Variants in FKTN observed in about 807,000 individuals in gnomAD.
The protein encoded by FKTN is ribitol-5-phosphate transferase FKTN.
In FKTN, 47 loss-of-function variants were observed where a neutral mutation model predicts 58.6. That is an observed-to-expected ratio of 0.80 (90% CI 0.63 to 1.02). The LOEUF (loss-of-function observed/expected upper bound fraction) is 1.02, where lower values mean the gene tolerates loss of function less well. Among genes scored for constraint, FKTN ranks in the 50% least tolerant of loss-of-function variants. FKTN has a pLI of 0.00. For synonymous variants in FKTN, 178 were observed against 191.9 expected (o/e 0.93, Z 0.60); for missense variants, 516 against 537.3 (o/e 0.96, Z 0.39).
At chr9:105,635,006 G>C (rs1833910924) in intron 10 of FKTN, 45 bp from the exon 11 acceptor site, 1 of 1,520,820 alleles carries the variant, frequency 6.6e-7, no homozygotes, top group Non-Finnish European at 9.1e-7. Context: ...TCCTTAGCTA[G>C]ACCTTCTTCC....
At chr9:105,581,664 G>A (rs566466500) in intron 3 of FKTN, among the ~76,000 whole-genome samples, 6 of 152,344 alleles carry the variant, frequency 3.9e-5, no homozygotes, top group African/African-American at 1.4e-4. Flanking sequence ...ACAGAGGCAG[G>A]CAGGCCTCCT....
intron 6 of FKTN, among the ~76,000 whole-genome samples, chr9:105,607,327 G>A (rs1040004454): frequency 6.6e-6 from 1 of 151,964 alleles, no homozygotes; most frequent in African/African-American, 2.4e-5. Context: ...AAAGTAAACT[G>A]ATAATTAAAA....
Position 105,615,427 on chromosome 9 carries a change from C to T in FKTN, c.910+20C>T, listed in dbSNP as rs775546973. The T allele has an allele frequency of 6.2e-7, 1 of 1,612,894 alleles. No homozygotes were observed. The highest frequency in any genetic ancestry group is 1.7e-5 in the Admixed American group (1 of 60,012). The stretch of plus-strand genomic sequence containing the variant: ...GTCTAGGTAAAATTCTTACGACTTT[C>T]CATTTGTCTTTCTGTCATTTTGTCC... On this transcript the variant is annotated intron_variant, in intron 8 of 10. Coordinates refer to ENST00000357998, the MANE Select transcript of FKTN (RefSeq NM_001079802.2).
At chr9:105,577,876 G>T (rs2132089638) in intron 3 of FKTN, among the ~76,000 whole-genome samples, 1 of 150,228 alleles carries the variant, frequency 6.7e-6, no homozygotes, top group Admixed American at 6.6e-5. Flanking sequence ...CCTTGAAGAG[G>T]TCCTTCACAT....
chr9:105,624,488 AGGCATGGT>A (rs1291658232), intron 10 of FKTN: 1 of 151,942 alleles, frequency 6.6e-6, no homozygotes, highest in Non-Finnish European at 1.5e-5. Flanking sequence ...AAAATTACCC[AGGCATGGT>A]GGCATGTGTC....
At chr9:105,588,594 C>T (rs1211902914) in intron 3 of FKTN, among the ~76,000 whole-genome samples, 1 of 152,166 alleles carries the variant, frequency 6.6e-6, no homozygotes, top group East Asian at 1.9e-4. Flanking sequence ...AATAACAATA[C>T]ATGTTACCTC....
intron 3 of FKTN, among the ~76,000 whole-genome samples, chr9:105,583,749 G>A (rs1452333095): frequency 6.6e-6 from 1 of 152,010 alleles, no homozygotes; most frequent in East Asian, 1.9e-4. Flanking sequence ...TAGGGCATCT[G>A]TTTTTTATGT....
rs981203213 is a variant in FKTN at position 105,565,170 on chromosome 9, G to A, written c.-181+7005G>A. On this transcript the variant is annotated intron_variant, in intron 1 of 10. Coordinates refer to ENST00000357998, the MANE Select transcript of FKTN (RefSeq NM_001079802.2). ...GGAGCACTAAACATGGAAAGGAACA[G>A]CCGATACCAGCCTCTGCAAAAACAT... Among the ~76,000 whole-genome samples the A allele has an allele frequency of 1.2e-4, 18 of 152,062 alleles. No homozygotes were observed. In the East Asian group the frequency reaches 3.5e-3, roughly 29 times the overall value.
chr9:105,635,376 C>A lies in FKTN; in HGVS notation c.*112C>A. The A allele has an allele frequency of 1.0e-5, 16 of 1,543,546 alleles. No individual in the cohort carries two copies. The highest frequency in any genetic ancestry group is 1.4e-5 in the Non-Finnish European group (16 of 1,146,494). On this transcript the variant is annotated 3_prime_UTR_variant, in exon 11 of 11. Transcript: ENST00000357998. ...AGTGGGAACCAAAGAAAAAATGTGACAAGTTTGAAGACACAGAAAGAGTCA... is the reference window on the plus strand; with the variant it reads ...AGTGGGAACCAAAGAAAAAATGTGAAAAGTTTGAAGACACAGAAAGAGTCA...
At position 105,638,259 on chromosome 9, in the gene FKTN, T is replaced by G. The variant is rs77017417; in HGVS notation, c.*2995T>G. On this transcript the variant is annotated 3_prime_UTR_variant, in exon 11 of 11. Coordinates refer to ENST00000357998, the MANE Select transcript of FKTN (RefSeq NM_001079802.2). Reference sequence around the variant, plus strand: ...AACAGAGAAGGCATCCAGTGCTTCATTGAGGCTAAGTCTCAGGGTGTTTCT... The same window carrying G: ...AACAGAGAAGGCATCCAGTGCTTCAGTGAGGCTAAGTCTCAGGGTGTTTCT... 2.0e-3 allele frequency: 1,930 copies of G among 985,384 alleles called. 34 individuals are homozygous for G. In the African/African-American group the frequency reaches 0.032, roughly 16 times the overall value. 61.0% of individuals were successfully genotyped at this position (985,384 alleles called of 1,614,324 possible). A position where few individuals can be genotyped will look rare whatever the true frequency, so the allele number is the denominator to read the frequency against.
intron 1 of FKTN, among the ~76,000 whole-genome samples, chr9:105,572,654 G>GTGCACAGATAC: frequency 1.3e-5 from 2 of 152,312 alleles, no homozygotes; most frequent in Middle Eastern, 3.4e-3. Context: ...GAATGAGGAA[G>GTGCACAGATAC]TGCACAGATA....
chr9:105,624,752 A>G (rs1832547247), intron 10 of FKTN, among the ~76,000 whole-genome samples: 3 of 152,146 alleles, frequency 2.0e-5, no homozygotes. Flanking sequence ...CCAGCTTTAA[A>G]ATATTACAGT....
At chr9:105,607,795 A>G (rs1823386609) in intron 6 of FKTN, 24 bp from the exon 7 acceptor site, 1 of 1,609,404 alleles carries the variant, frequency 6.2e-7, no homozygotes, top group African/African-American at 1.3e-5. Context: ...CCCCTCATTA[A>G]TAAATCTTAA....
In FKTN at chr9:105,582,482, T is replaced by C. The variant is rs79270368; in HGVS notation, c.105+7345T>C. Reference sequence around the variant, plus strand: ...AAGTGCTGGGATTACAAGTATGGGCTACTGCAACTGGCCTGGAAAACCAAA... The same window carrying C: ...AAGTGCTGGGATTACAAGTATGGGCCACTGCAACTGGCCTGGAAAACCAAA... On this transcript the variant is annotated intron_variant, in intron 3 of 10. Transcript: ENST00000357998. Among the ~76,000 whole-genome samples, 1,383 of 152,322 alleles carry C rather than the reference T, an allele frequency of 9.1e-3. 22 individuals carry two copies. Among genetic ancestry groups the C allele is most frequent in the African/African-American group, 0.032 (1,324 of 41,578 alleles).
chr9:105,586,851 T>C (rs1201221531), intron 3 of FKTN, among the ~76,000 whole-genome samples: 2 of 152,232 alleles, frequency 1.3e-5, no homozygotes, highest in East Asian at 3.8e-4. Context: ...TATTAAATTC[T>C]TATAGTGTCC....
chr9:105,618,356 G>A (rs1396608909), intron 9 of FKTN, among the ~76,000 whole-genome samples: 2 of 152,050 alleles, frequency 1.3e-5, no homozygotes, highest in African/African-American at 2.4e-5. Flanking sequence ...GATAAGAAAA[G>A]AAGGATCTTG....
At chr9:105,585,298 G>T (rs1188276596) in intron 3 of FKTN, among the ~76,000 whole-genome samples, 1 of 152,008 alleles carries the variant, frequency 6.6e-6, no homozygotes, top group Admixed American at 6.6e-5. Context: ...GGTGGTGCAC[G>T]CCTGTAGTCC....
Position 105,635,387 on chromosome 9 carries a change from A to G in FKTN, c.*123A>G. ...AAGAAAAAATGTGACAAGTTTGAAG[A>G]CACAGAAAGAGTCATCTGATGTAAT... is the stretch of plus-strand genomic sequence containing the variant. On this transcript the variant is annotated 3_prime_UTR_variant, in exon 11 of 11. Transcript: ENST00000357998. The G allele has an allele frequency of 6.6e-7, 1 of 1,524,198 alleles. No homozygotes were observed. Among genetic ancestry groups the G allele is most frequent in the Non-Finnish European group, 8.8e-7 (1 of 1,138,472 alleles). The allele number at this position is 1,524,198 out of a possible 1,614,324, so 94.4% of individuals were successfully genotyped here. A position where few individuals can be genotyped will look rare whatever the true frequency, so the allele number is the denominator to read the frequency against.
intron 3 of FKTN, among the ~76,000 whole-genome samples, chr9:105,593,707 CAG>C (rs369569111): frequency 5.9e-5 from 9 of 152,250 alleles, no homozygotes; most frequent in African/African-American, 2.2e-4. Context: ...CAGAGAGAAA[CAG>C]AGAAAAAACA....
Sources: allele counts gnomAD v4.1 joint callset (sites outside exome capture counted in the v4.1 genomes callset), GRCh38; gene constraint gnomAD v4.1.1; transcripts MANE v1.5; gene names NCBI Gene and HGNC (gene_info 2026-07-23, HGNC 2026-07-21).